Variants in DNAJC19 observed in about 807,000 individuals in gnomAD.
DNAJC19 encodes mitochondrial import inner membrane translocase subunit TIM14.
A neutral mutation model predicts 19.8 loss-of-function variants in DNAJC19; 15 were observed. The observed-to-expected ratio is 0.76, with a 90% CI of 0.51 to 1.17. DNAJC19 has a LOEUF of 1.17. DNAJC19 is among the 50% of genes most tolerant of loss of function. The pLI, the probability that DNAJC19 is intolerant of heterozygous loss-of-function variation, is 0.00. For missense variants in DNAJC19, 105 were observed against 140.9 expected (o/e 0.75, Z 1.29); for synonymous variants, 38 against 42.1 (o/e 0.90, Z 0.38).
At chr3:180,987,543 TCACAGCCAAATCTATTCTTAACTGTGAC>T (rs1447549402) in intron 3 of DNAJC19, 3 of 256,940 alleles carry the variant, frequency 1.2e-5, no homozygotes, top group Non-Finnish European at 2.3e-5. Context: ...CAACAGGTGA[TCACAGCCAAATCTATTCTTAACTGTGAC>T]CACAGAGAGT....
At chr3:180,988,542 C>T (rs920611833) in intron 1 of DNAJC19, among the ~76,000 whole-genome samples, 3 of 151,926 alleles carry the variant, frequency 2.0e-5, no homozygotes, top group Non-Finnish European at 4.4e-5. Context: ...TTTAAAACTA[C>T]TGCATCTGTT....
At chr3:180,986,039 C>T (rs777574927) in intron 4 of DNAJC19, 43 bp from the exon 5 acceptor site, 20 of 1,510,684 alleles carry the variant, frequency 1.3e-5, no homozygotes, top group South Asian at 1.1e-4. Flanking sequence ...CCTACTTCTG[C>T]ATCACATCAA....
Position 180,984,427 on chromosome 3 carries a change from G to C in DNAJC19, c.*213C>G. 1 of 579,558 alleles carries C rather than the reference G, an allele frequency of 1.7e-6. No individual in the cohort carries two copies. Among genetic ancestry groups the C allele is most frequent in the Non-Finnish European group, 3.3e-6 (1 of 302,558 alleles). The allele number at this position is 579,558 out of a possible 1,614,324, so 35.9% of individuals were successfully genotyped here. On this transcript the variant is annotated 3_prime_UTR_variant, in exon 6 of 6. Transcript: ENST00000382564. ...TAATGAACAATATTTCTATTCAGAA[G>C]GTGTGTGCTTGCCCATAATTAATAC...
intron 5 of DNAJC19, 53 bp downstream of exon 5, chr3:180,985,873 T>A (rs1273104424): frequency 6.9e-7 from 1 of 1,450,378 alleles, no homozygotes; most frequent in East Asian, 2.3e-5. Context: ...ATTATCCCAT[T>A]AATAACTATT....
chr3:180,987,518 T>C (rs1714972941), intron 3 of DNAJC19: 1 of 253,758 alleles, frequency 3.9e-6, no homozygotes, highest in Admixed American at 5.2e-5. Context: ...CTGTTACACT[T>C]AATCACAACA....
chr3:180,989,371 T>C, intron 1 of DNAJC19: 1 of 1,426,674 alleles, frequency 7.0e-7, no homozygotes, highest in Non-Finnish European at 9.1e-7. Flanking sequence ...GCAGAGCCCG[T>C]GCGGACAAGA....
chr3:180,989,323 G>A (rs1715096592), intron 1 of DNAJC19: 4 of 1,409,468 alleles, frequency 2.8e-6, no homozygotes, highest in Non-Finnish European at 3.7e-6. Flanking sequence ...GTCCATGACA[G>A]CCTCTGACCT....
chr3:180,986,065 G>A (rs1577024437), intron 4 of DNAJC19, 69 bp from the exon 5 acceptor site: 2 of 1,299,000 alleles, frequency 1.5e-6, no homozygotes, highest in South Asian at 1.2e-5. Context: ...TGTACATAAA[G>A]GCCAATTAAA....
Position 180,988,012 on chromosome 3 carries a change from C to A in DNAJC19, c.129+11G>T, listed in dbSNP as rs546533068. 9.9e-6 allele frequency: 16 copies of A among 1,614,094 alleles called. No individual in the cohort carries two copies. In the East Asian group the frequency reaches 2.9e-4, roughly 29 times the overall value. ...TCAAATAGAAGCAGCAAAGAATTAA[C>A]AAAGTCTTACAGATTTTGGTAGGCT... On this transcript the variant is annotated intron_variant, in intron 3 of 5. Coordinates refer to ENST00000382564, the MANE Select transcript of DNAJC19 (RefSeq NM_145261.4).
chr3:180,986,895 G>A (rs371192117), intron 4 of DNAJC19, 48 bp downstream of exon 4: 3 of 1,471,098 alleles, frequency 2.0e-6, no homozygotes, highest in African/African-American at 2.8e-5. Flanking sequence ...ATTTCCTCAT[G>A]GCTCTACAGT....
At chr3:180,987,500 A>ACT (rs761047940) in intron 3 of DNAJC19, 2 of 248,584 alleles carry the variant, frequency 8.0e-6, no homozygotes, top group Non-Finnish European at 1.6e-5. Context: ...GCCTACAATC[A>ACT]CTCTATTCTG....
At chr3:180,986,144 A>C in intron 4 of DNAJC19, 148 bp from the exon 5 acceptor site, 1 of 678,288 alleles carries the variant, frequency 1.5e-6, no homozygotes, top group Non-Finnish European at 2.6e-6. Context: ...AACACACCCA[A>C]TGCGTATCCT....
chr3:180,985,340 C>G (rs1164046563), intron 5 of DNAJC19: 1 of 154,000 alleles, frequency 6.5e-6, no homozygotes, highest in Non-Finnish European at 1.4e-5. Flanking sequence ...GAGTCAGAAG[C>G]CCTCCATATA....
rs146964003 is a variant in DNAJC19, at chr3:180,983,995, T to G, written c.*645A>C. The G allele has an allele frequency of 1.5e-3, 673 of 453,964 alleles. No individual in the cohort carries two copies. The highest frequency in any genetic ancestry group is 0.012 in the African/African-American group (619 of 50,100). 28.1% of individuals were successfully genotyped at this position (453,964 alleles called of 1,614,324 possible). A position where few individuals can be genotyped will look rare whatever the true frequency, so the allele number is the denominator to read the frequency against. On this transcript the variant is annotated 3_prime_UTR_variant, in exon 6 of 6. Transcript: ENST00000382564. ...GGAGGACTGCTTAAACCCAGGAGGT[T>G]GAGGCTGCAATGAACTGTGATTGTA...
chr3:180,988,122 T>G (rs1715004211), intron 2 of DNAJC19, 26 bp from the exon 3 acceptor site: 1 of 1,614,102 alleles, frequency 6.2e-7, no homozygotes, highest in Non-Finnish European at 8.5e-7. Context: ...ACAGAATAAG[T>G]AAACTAAATC....
At chr3:180,989,387 G>T in intron 1 of DNAJC19, 1 of 1,434,394 alleles carries the variant, frequency 7.0e-7, no homozygotes, top group Non-Finnish European at 9.1e-7. Context: ...CAAGAAGCTG[G>T]AGAACCGTGC....
intron 5 of DNAJC19, chr3:180,985,312 C>T (rs1257436782): frequency 6.5e-6 from 1 of 153,780 alleles, no homozygotes; most frequent in Admixed American, 6.4e-5. Flanking sequence ...ATTTATGGGG[C>T]TCCACTGCCG....
At chr3:180,987,785 T>G in intron 3 of DNAJC19, 1 of 548,712 alleles carries the variant, frequency 1.8e-6, no homozygotes, top group Non-Finnish European at 3.3e-6. Flanking sequence ...AAAGTGAAAC[T>G]TGGGTCTAGT....
intron 4 of DNAJC19, 50 bp downstream of exon 4, chr3:180,986,893 A>G: frequency 6.8e-7 from 1 of 1,473,494 alleles, no homozygotes; most frequent in Non-Finnish European, 9.5e-7. Context: ...ATATTTCCTC[A>G]TGGCTCTACA....
Sources: gnomAD v4.1 joint callset for allele counts (sites outside exome capture counted in the v4.1 genomes callset) on GRCh38, gnomAD v4.1.1 for gene constraint, MANE v1.5 for transcripts, NCBI Gene and HGNC (gene_info 2026-07-23, HGNC 2026-07-21) for gene names.